Variants in SLC7A11 observed in about 807,000 individuals in gnomAD.
SLC7A11 encodes the protein solute carrier family 7 member 11.
In SLC7A11, 35 loss-of-function variants were observed where a neutral mutation model predicts 54.5. The observed-to-expected ratio is 0.64, with a 90% CI of 0.49 to 0.85. The LOEUF (loss-of-function observed/expected upper bound fraction) is 0.85, where lower values mean the gene tolerates loss of function less well. Ranked by LOEUF, SLC7A11 falls within the 40% of genes least tolerant of loss-of-function variation. SLC7A11 has a pLI of 0.00. For synonymous variants in SLC7A11, 230 were observed against 225.2 expected (o/e 1.02, Z -0.19); for missense variants, 583 against 618.1 (o/e 0.94, Z 0.60).
intron 2 of SLC7A11, among the ~76,000 whole-genome samples, chr4:138,232,874 ATTGTT>A (rs1738114833): frequency 1.3e-5 from 2 of 152,240 alleles, no homozygotes; most frequent in Non-Finnish European, 2.9e-5. Context: ...AATATTTGAC[ATTGTT>A]TTATTTTTTC....
At position 138,191,506 on chromosome 4, in the gene SLC7A11, G is replaced by T. The variant is rs544470394; in HGVS notation, c.792-6262C>A. On this transcript the variant is annotated intron_variant, in intron 6 of 11. Coordinates refer to ENST00000280612, the MANE Select transcript of SLC7A11 (RefSeq NM_014331.4). ...GGAAAAATGTGCAGAGATGCATAAA[G>T]GAAGGAGAAAAGTGCAGCAAAGCCA... 5.5e-4 allele frequency among the ~76,000 whole-genome samples: 84 copies of T among 152,178 alleles called. 1 individual carries two copies. The South Asian group carries it at 0.016, about 29-fold the overall frequency.
chr4:138,229,101 A>G (rs1738015021), intron 3 of SLC7A11, among the ~76,000 whole-genome samples: 2 of 152,140 alleles, frequency 1.3e-5, no homozygotes, highest in Non-Finnish European at 2.9e-5. Context: ...CCCTTTTTCT[A>G]TGCTTAACTA....
At chr4:138,191,837 C>T (rs1398921261) in intron 6 of SLC7A11, among the ~76,000 whole-genome samples, 1 of 152,018 alleles carries the variant, frequency 6.6e-6, no homozygotes, top group East Asian at 1.9e-4. Context: ...CTTCCAGATA[C>T]ATTACAGTTA....
At chr4:138,179,579 G>C (rs568563658) in intron 10 of SLC7A11, among the ~76,000 whole-genome samples, 185 bp from the exon 11 acceptor site, 1 of 152,108 alleles carries the variant, frequency 6.6e-6, no homozygotes, top group Admixed American at 6.6e-5. Context: ...TGTATTAAAC[G>C]TACTCCCTTA....
chr4:138,207,753 A>G (rs536305305), intron 6 of SLC7A11, among the ~76,000 whole-genome samples: 1 of 152,118 alleles, frequency 6.6e-6, no homozygotes, highest in Non-Finnish European at 1.5e-5. Flanking sequence ...CCAAGTTGTC[A>G]AAATGCAAGA....
At chr4:138,210,197 A>C (rs1737514451) in intron 6 of SLC7A11, among the ~76,000 whole-genome samples, 1 of 152,124 alleles carries the variant, frequency 6.6e-6, no homozygotes, top group Admixed American at 6.6e-5. Flanking sequence ...AGCCTCATGC[A>C]GAAGGATGAA....
chr4:138,182,313 G>A lies in SLC7A11; in HGVS notation c.1100C>T (p.Pro367Leu), dbSNP rs1380750353. ...MIHVRKHTPL[P>L]AVIVLHPLTM... ...ATGCATTACCAAAACAATAACAGCT[G>A]GTAGAGGAGTGTGCTTGCGGACATG... Residue 367 changes from proline to leucine, a missense_variant, in exon 9 of 12, where the codon CCA (proline) becomes CTA (leucine). Transcript: ENST00000280612. The A allele has an allele frequency of 1.2e-6, 2 of 1,606,680 alleles. No individual in the cohort carries two copies. The highest frequency in any genetic ancestry group is 2.2e-5 in the South Asian group (2 of 90,918).
rs537988231 is a variant in SLC7A11 at position 138,218,354 on chromosome 4, A to T, written c.746+912T>A. On this transcript the variant is annotated intron_variant, in intron 5 of 11. Transcript: ENST00000280612. ...ATAACAATGAGATTTATAGATAATT[A>T]AAAAATAAACATTGCCATGATTTAT... is the stretch of plus-strand genomic sequence containing the variant. 2.0e-5 allele frequency among the ~76,000 whole-genome samples: 3 copies of T among 152,358 alleles called. No individual in the cohort carries two copies. The South Asian group carries it at 6.2e-4, about 32-fold the overall frequency.
chr4:138,174,730 G>T (rs536421215), intron 11 of SLC7A11: 13 of 152,230 alleles, frequency 8.5e-5, no homozygotes, highest in Admixed American at 5.9e-4. Context: ...ATCAACCCGC[G>T]GTACTCTTTC....
chr4:138,200,163 T>C (rs1317439091), intron 6 of SLC7A11, among the ~76,000 whole-genome samples: 1 of 152,130 alleles, frequency 6.6e-6, no homozygotes, highest in Admixed American at 6.6e-5. Context: ...GAGACTTTGT[T>C]TGACAATATC....
rs1390365446 is a variant in SLC7A11, at chr4:138,168,883, A to C, written c.*3073T>G. On this transcript the variant is annotated 3_prime_UTR_variant, in exon 12 of 12. Transcript: ENST00000280612. ...TTGGATCAAAGGAATATAATCTAAT[A>C]CTTTTTAAATGGGGTCAAAACAGTA... is the stretch of plus-strand genomic sequence containing the variant. 3 of 152,202 alleles carry C rather than the reference A, an allele frequency of 2.0e-5. No homozygotes were observed. The highest frequency in any genetic ancestry group is 4.4e-5 in the Non-Finnish European group (3 of 68,038). 9.4% of individuals were successfully genotyped at this position (152,202 alleles called of 1,614,324 possible).
chr4:138,234,315 ACTTAAT>A (rs998817997), intron 2 of SLC7A11, among the ~76,000 whole-genome samples: 11 of 152,308 alleles, frequency 7.2e-5, no homozygotes, highest in African/African-American at 2.4e-4. Context: ...GGCAATACTA[ACTTAAT>A]CTAAAGGTAT....
chr4:138,234,416 A>G (rs1738155547), intron 2 of SLC7A11, among the ~76,000 whole-genome samples: 1 of 152,186 alleles, frequency 6.6e-6, no homozygotes, highest in Non-Finnish European at 1.5e-5. Flanking sequence ...GTCCCTCCTC[A>G]TGTCATTTGT....
At chr4:138,181,798 T>C (rs530215813) in intron 9 of SLC7A11, among the ~76,000 whole-genome samples, 8 of 152,292 alleles carry the variant, frequency 5.3e-5, no homozygotes, top group Admixed American at 4.6e-4. Flanking sequence ...CTTTTATTTT[T>C]ATCCTGCAGG....
chr4:138,214,576 G>A lies in SLC7A11; in HGVS notation c.791+9C>T. ...TCATAAAAATTTCAGGGTACATCTGGCTACTTACTTTTCAGGGTTTTCTAC... is the reference window on the plus strand; with the variant it reads ...TCATAAAAATTTCAGGGTACATCTGACTACTTACTTTTCAGGGTTTTCTAC... On this transcript the variant is annotated intron_variant, in intron 6 of 11. Coordinates refer to ENST00000280612, the MANE Select transcript of SLC7A11 (RefSeq NM_014331.4). 2.1e-6 allele frequency: 3 copies of A among 1,453,308 alleles called. No individual in the cohort carries two copies. The highest frequency in any genetic ancestry group is 2.0e-5 in the Admixed American group (1 of 49,932). 90.0% of individuals were successfully genotyped at this position (1,453,308 alleles called of 1,614,324 possible).
At chr4:138,220,060 C>T (rs1418072540) in intron 4 of SLC7A11, among the ~76,000 whole-genome samples, 1 of 151,942 alleles carries the variant, frequency 6.6e-6, no homozygotes, top group Admixed American at 6.6e-5. Context: ...CAGCCTCAGC[C>T]TCCTGAGTAG....
rs1264666842 is a variant in SLC7A11 at position 138,165,676 on chromosome 4, A to G, written c.*6280T>C. 1.3e-5 allele frequency: 2 copies of G among 152,192 alleles called. No individual in the cohort carries two copies. Among genetic ancestry groups the G allele is most frequent in the African/African-American group, 4.8e-5 (2 of 41,454 alleles). The allele number at this position is 152,192 out of a possible 1,614,324, so 9.4% of individuals were successfully genotyped here. The stretch of plus-strand genomic sequence containing the variant: ...ACCAAAATATATTTTAAAGCAAAAT[A>G]TATCCTGATACTACTATAGATTCTA... On this transcript the variant is annotated 3_prime_UTR_variant, in exon 12 of 12. Transcript: ENST00000280612.
At chr4:138,240,076 A>G (rs1738340513) in intron 1 of SLC7A11, among the ~76,000 whole-genome samples, 1 of 152,174 alleles carries the variant, frequency 6.6e-6, no homozygotes, top group Non-Finnish European at 1.5e-5. Context: ...TAATGATATT[A>G]CTCCAAATTA....
intron 9 of SLC7A11, 129 bp downstream of exon 9, chr4:138,182,168 C>T: frequency 3.4e-6 from 2 of 590,392 alleles, no homozygotes; most frequent in East Asian, 6.0e-5. Flanking sequence ...TCCTGCCTCC[C>T]AAACTCCACC....
Sources: gnomAD v4.1 joint callset for allele counts (sites outside exome capture counted in the v4.1 genomes callset) on GRCh38, gnomAD v4.1.1 for gene constraint, MANE v1.5 for transcripts, NCBI Gene and HGNC (gene_info 2026-07-23, HGNC 2026-07-21) for gene names.